The following DNAH3 variants were observed in gnomAD, a reference collection of about 807,000 sequenced individuals.
The protein encoded by DNAH3 is axonemal beta dynein heavy chain 3.
In DNAH3, 332 loss-of-function variants were observed where a neutral mutation model predicts 432.5. That is an observed-to-expected ratio of 0.77 (90% CI 0.70 to 0.84). DNAH3 has a LOEUF of 0.84. Among genes scored for constraint, DNAH3 ranks in the 40% least tolerant of loss-of-function variants. DNAH3 has a pLI of 0.00. For synonymous variants in DNAH3, 1,956 were observed against 1,900.2 expected, an observed-to-expected ratio of 1.03 and a Z score of -0.76; for missense variants, 4,861 against 5,114.0, an observed-to-expected ratio of 0.95 and a Z score of 1.51.
In DNAH3 at chr16:21,141,888, T is replaced by G. The variant is rs186984063; in HGVS notation, c.449-516A>C. Among the ~76,000 whole-genome samples, 113 of 151,016 alleles carry G rather than the reference T, an allele frequency of 7.5e-4. 1 individual carries two copies. The highest frequency in any genetic ancestry group is 9.8e-4 in the East Asian group (5 of 5,090). On this transcript the variant is annotated intron_variant, in intron 3 of 61. Transcript: ENST00000261383. ...CAACATGGCGAAACCCCATCTCTAC[T>G]GAAAAATACAAAAATTAGCCGGGCA...
At chr16:20,966,205 T>C (rs1285781531) in intron 52 of DNAH3, among the ~76,000 whole-genome samples, 1 of 150,242 alleles carries the variant, frequency 6.7e-6, no homozygotes, top group Non-Finnish European at 1.5e-5. Flanking sequence ...ACCCGGCTAA[T>C]TTTTTGTACT....
chr16:21,133,188 T>C (rs1045356349), intron 7 of DNAH3, among the ~76,000 whole-genome samples: 4 of 151,282 alleles, frequency 2.6e-5, no homozygotes, highest in African/African-American at 9.7e-5. Context: ...TCCGTCTCTA[T>C]CAAAAAATAC....
intron 8 of DNAH3, among the ~76,000 whole-genome samples, chr16:21,126,991 T>C (rs571867421): frequency 6.6e-6 from 1 of 152,168 alleles, no homozygotes; most frequent in East Asian, 1.9e-4. Flanking sequence ...ATTATTTCAT[T>C]ATATATTACA....
At position 20,936,860 on chromosome 16, in the gene DNAH3, G is replaced by C; in HGVS notation, c.11655-7C>G. 3 of 1,606,056 alleles carry C rather than the reference G, an allele frequency of 1.9e-6. No individual in the cohort carries two copies. In the South Asian group the frequency reaches 3.3e-5, roughly 18 times the overall value. On this transcript the variant is annotated splice_polypyrimidine_tract_variant and splice_region_variant and intron_variant, in intron 59 of 61. Coordinates refer to ENST00000261383, the Ensembl canonical transcript of DNAH3. Reference sequence around the variant, plus strand: ...CCGAACCACTTTGGTCAGCCTGCAAGAACAGAGGAGCTGGCTGAGCTGGGC... The same window carrying C: ...CCGAACCACTTTGGTCAGCCTGCAACAACAGAGGAGCTGGCTGAGCTGGGC...
intron 44 of DNAH3, among the ~76,000 whole-genome samples, chr16:20,996,034 G>A (rs1368180130): frequency 2.0e-5 from 3 of 152,318 alleles, no homozygotes; most frequent in African/African-American, 7.2e-5. Context: ...TTTGGAATCT[G>A]TGGGGATACC....
intron 22 of DNAH3, among the ~76,000 whole-genome samples, chr16:21,069,833 AT>A (rs2152761818): frequency 6.6e-6 from 1 of 152,342 alleles, no homozygotes; most frequent in South Asian, 2.1e-4. Context: ...TAGCAGAATA[AT>A]TACAATAGTT....
chr16:21,020,348 G>GTGTGTATATATATATATATA lies in DNAH3; in HGVS notation c.5777-480_5777-479insTATATATATATATATACACA. Among the ~76,000 whole-genome samples, 193 of 69,028 alleles carry GTGTGTATATATATATATATA rather than the reference G, an allele frequency of 2.8e-3. 1 individual carries two copies. The highest frequency in any genetic ancestry group is 0.01 in the South Asian group (16 of 1,570). The allele number at this position is 69,028 out of a possible 152,430, so 45.3% of individuals were successfully genotyped here. ...ACTGCTGTATAATAATATAGTGTGT[G>GTGTGTATATATATATATATA]TATATATATATATATATATAAAATC... On this transcript the variant is annotated intron_variant, in intron 40 of 61. Transcript: ENST00000261383.
At chr16:21,004,949 G>A (rs775625691) in intron 41 of DNAH3, among the ~76,000 whole-genome samples, 3 of 151,942 alleles carry the variant, frequency 2.0e-5, no homozygotes, top group Non-Finnish European at 4.4e-5. Flanking sequence ...CTTTGTCAGG[G>A]TTCATATTCA....
intron 6 of DNAH3, 65 bp from the exon 8 acceptor site, chr16:21,134,519 C>A: frequency 1.4e-6 from 2 of 1,473,270 alleles, no homozygotes; most frequent in South Asian, 1.3e-5. Context: ...AGCTTCAACT[C>A]ATTTAGTTTT....
In DNAH3 at chr16:21,051,779, C is replaced by T. The variant is rs762044559; in HGVS notation, c.4129G>A (p.Ala1377Thr). ...ATAATCTGCACCTGCACATCCTTGGCCACCCAGTAGTAGCGCAGCTGTGAG... is the reference window on the plus strand; with the variant it reads ...ATAATCTGCACCTGCACATCCTTGGTCACCCAGTAGTAGCGCAGCTGTGAG... The change falls in exon 29 of 62, where the codon GCC becomes ACC. Residue 1377 changes from alanine to threonine, a missense_variant. By Grantham distance (58) the Ala-to-Thr change is moderately conservative. Transcript: ENST00000261383. 9 of 1,614,006 alleles carry T rather than the reference C, an allele frequency of 5.6e-6. No individual in the cohort carries two copies. The highest frequency in any genetic ancestry group is 7.6e-6 in the Non-Finnish European group (9 of 1,180,050).
intron 1 of DNAH3, among the ~76,000 whole-genome samples, chr16:21,148,974 T>C (rs1437573109): frequency 6.6e-6 from 1 of 152,198 alleles, no homozygotes; most frequent in Non-Finnish European, 1.5e-5. Flanking sequence ...CTAATGTCTA[T>C]AATCCCAGCA....
intron 8 of DNAH3, among the ~76,000 whole-genome samples, chr16:21,126,694 C>A (rs2092452016): frequency 1.3e-5 from 2 of 152,154 alleles, no homozygotes; most frequent in South Asian, 4.2e-4. Flanking sequence ...AGGAGGTGAG[C>A]AGCAGGTGGG....
intron 51 of DNAH3, 137 bp from the exon 52 acceptor site, chr16:20,970,127 G>A (rs952395407): frequency 3.3e-5 from 26 of 785,962 alleles, no homozygotes; most frequent in South Asian, 2.1e-4. Flanking sequence ...GGTGCCTGCC[G>A]CTGGAGCTGG....
intron 50 of DNAH3, among the ~76,000 whole-genome samples, chr16:20,976,047 G>T (rs1567563260): frequency 6.7e-6 from 1 of 150,078 alleles, no homozygotes; most frequent in Non-Finnish European, 1.5e-5. Flanking sequence ...GCCCGGCCAA[G>T]AAATTTTTTT....
intron 40 of DNAH3, among the ~76,000 whole-genome samples, chr16:21,020,439 G>A (rs1239815475): frequency 9.9e-6 from 1 of 100,588 alleles, no homozygotes; most frequent in Admixed American, 1.5e-4. Context: ...GTCTAGCTCT[G>A]TCGCCCATGC....
In DNAH3 at chr16:20,989,010, C is replaced by T. The variant is rs562462513; in HGVS notation, c.6602-945G>A. Reference sequence around the variant, plus strand: ...CAGACTTTCGCGGGGAGTGTTACAGCTCATAAAAGCAGTGTGGACCCACAG... The same window carrying T: ...CAGACTTTCGCGGGGAGTGTTACAGTTCATAAAAGCAGTGTGGACCCACAG... On this transcript the variant is annotated intron_variant, in intron 44 of 61. Coordinates refer to ENST00000261383, the Ensembl canonical transcript of DNAH3. Among the ~76,000 whole-genome samples, 6 of 152,310 alleles carry T rather than the reference C, an allele frequency of 3.9e-5. 1 individual carries two copies. In the South Asian group the frequency reaches 1.2e-3, roughly 32 times the overall value.
intron 31 of DNAH3, 55 bp downstream of exon 31, chr16:21,049,513 GA>G (rs1567699421): frequency 2.0e-6 from 3 of 1,470,584 alleles, no homozygotes; most frequent in Admixed American, 3.4e-5. Context: ...GCAGAGCCAA[GA>G]AAAAAGCCCC....
chr16:21,035,452 T>C (rs1472292582), intron 35 of DNAH3, among the ~76,000 whole-genome samples: 1 of 152,206 alleles, frequency 6.6e-6, no homozygotes, highest in Non-Finnish European at 1.5e-5. Context: ...AAATATTACC[T>C]TGTTTTTGTA....
chr16:21,039,250 A>T (rs1361931263), intron 33 of DNAH3, among the ~76,000 whole-genome samples: 1 of 126,298 alleles, frequency 7.9e-6, no homozygotes, highest in African/African-American at 3.3e-5. Context: ...ACAGGGTCTC[A>T]CTCCGTCACC....
Sources: allele counts gnomAD v4.1 joint callset (sites outside exome capture counted in the v4.1 genomes callset), GRCh38; gene constraint gnomAD v4.1.1; transcripts MANE v1.5; gene names NCBI Gene and HGNC (gene_info 2026-07-23, HGNC 2026-07-21).